CES1: variants seen among roughly 807,000 people sequenced by gnomAD.
CES1 encodes the protein liver carboxylesterase 1.
Under a neutral mutation model 53.0 loss-of-function variants are expected in CES1, and 50 were observed. The ratio of observed to expected loss-of-function variants is 0.94; its 90% CI spans 0.75 to 1.19. The LOEUF (loss-of-function observed/expected upper bound fraction) is 1.19. CES1 is among the 50% of genes most tolerant of loss of function. The pLI, the probability that CES1 is intolerant of heterozygous loss-of-function variation, is 0.00. For synonymous variants in CES1, 202 were observed against 210.1 expected, an observed-to-expected ratio of 0.96 and a Z score of 0.33; for missense variants, 534 against 538.0, an observed-to-expected ratio of 0.99 and a Z score of 0.07.
At chr16:55,822,548 T>TCAACTTGTC (rs2032241533) in intron 4 of CES1, among the ~76,000 whole-genome samples, 1 of 151,922 alleles carries the variant, frequency 6.6e-6, no homozygotes, top group Non-Finnish European at 1.5e-5. Flanking sequence ...AGTCAAGGAT[T>TCAACTTGTC]CAACTTGTCC....
At chr16:55,826,582 C>T (rs1357566409) in intron 2 of CES1, among the ~76,000 whole-genome samples, 3 of 152,162 alleles carry the variant, frequency 2.0e-5, no homozygotes, top group Non-Finnish European at 4.4e-5. Context: ...TACACTGATC[C>T]TCCCTGGGAG....
chr16:55,813,903 C>T (rs1193587909), intron 8 of CES1, among the ~76,000 whole-genome samples: 4 of 152,222 alleles, frequency 2.6e-5, no homozygotes, highest in Admixed American at 1.3e-4. Flanking sequence ...GAGGTTGCCT[C>T]GCCGGATCTC....
chr16:55,819,900 G>C (rs538699359), intron 6 of CES1: 1 of 594,516 alleles, frequency 1.7e-6, no homozygotes. Flanking sequence ...ATCTCAAGGT[G>C]AATGTGTCAA....
chr16:55,826,395 G>T (rs1404748351), intron 2 of CES1, 100 bp from the exon 3 acceptor site: 7 of 1,412,264 alleles, frequency 5.0e-6, no homozygotes, highest in Non-Finnish European at 7.0e-6. Flanking sequence ...CCTGGAAATG[G>T]ACTTGATAGT....
chr16:55,815,258 T>C (rs2142323783), intron 8 of CES1, among the ~76,000 whole-genome samples: 1 of 152,254 alleles, frequency 6.6e-6, no homozygotes, highest in Middle Eastern at 3.4e-3. Context: ...CGCAGGTGTG[T>C]TTTGAAGGAC....
At position 55,810,368 on chromosome 16, in the gene CES1, A is replaced by T; in HGVS notation, c.1318+149T>A. On this transcript the variant is annotated intron_variant, in intron 11 of 13. Transcript: ENST00000360526. ...GTCTTCTGCTGGCATAAACCAAAAT[A>T]AGACAGCACCTCATCCCATGCCATA... 4 of 1,089,364 alleles carry T rather than the reference A, an allele frequency of 3.7e-6. No individual in the cohort carries two copies. The Admixed American group carries it at 6.2e-5, about 17-fold the overall frequency. The allele number at this position is 1,089,364 out of a possible 1,614,324, so 67.5% of individuals were successfully genotyped here.
At chr16:55,822,395 G>A (rs1284002992) in intron 4 of CES1, among the ~76,000 whole-genome samples, 7 of 152,234 alleles carry the variant, frequency 4.6e-5, no homozygotes, top group South Asian at 4.1e-4. Flanking sequence ...TTCTGAAGGC[G>A]CAGCCAAGAG....
intron 9 of CES1, 72 bp downstream of exon 9, chr16:55,812,831 C>A (rs1235157809): frequency 6.3e-7 from 1 of 1,599,536 alleles, no homozygotes; most frequent in Non-Finnish European, 8.6e-7. Flanking sequence ...GAGAGGGAAG[C>A]ATTCCTGGGA....
chr16:55,829,353 A>C (rs2032550924), intron 1 of CES1, among the ~76,000 whole-genome samples: 1 of 152,252 alleles, frequency 6.6e-6, no homozygotes, highest in Non-Finnish European at 1.5e-5. Context: ...TCTCACAAGC[A>C]CTGACCATTA....
chr16:55,830,716 A>G (rs1188446725), intron 1 of CES1, among the ~76,000 whole-genome samples: 3 of 149,376 alleles, frequency 2.0e-5, no homozygotes, highest in South Asian at 2.1e-4. Context: ...GAAGAAGGAA[A>G]GAAGGAAAGG....
At chr16:55,811,895 G>A (rs1291194258) in intron 9 of CES1, among the ~76,000 whole-genome samples, 3 of 152,178 alleles carry the variant, frequency 2.0e-5, no homozygotes, top group Non-Finnish European at 4.4e-5. Context: ...GACTTCAGTG[G>A]GTTCTTCCTG....
chr16:55,811,057 T>C (rs781777990), intron 9 of CES1, 47 bp from the exon 10 acceptor site: 4 of 1,498,776 alleles, frequency 2.7e-6, no homozygotes, highest in African/African-American at 2.8e-5. Flanking sequence ...TGGGAATTAA[T>C]GATAAGAAAC....
chr16:55,827,600 T>C (rs2032470202), intron 2 of CES1, among the ~76,000 whole-genome samples: 1 of 152,134 alleles, frequency 6.6e-6, no homozygotes, highest in African/African-American at 2.4e-5. Flanking sequence ...TGAATGTGCA[T>C]AAATGTTTCA....
intron 9 of CES1, among the ~76,000 whole-genome samples, chr16:55,811,274 G>GCA (rs2031687399): frequency 2.0e-5 from 3 of 151,282 alleles, no homozygotes; most frequent in African/African-American, 7.3e-5. Context: ...GTGTGTGTGT[G>GCA]TGCGCGCGTG....
intron 6 of CES1, chr16:55,820,154 G>A (rs2032112245): frequency 1.7e-6 from 1 of 576,526 alleles, no homozygotes; most frequent in African/African-American, 1.9e-5. Flanking sequence ...TGCTGCCCTT[G>A]GCAAATCCCT....
At chr16:55,830,356 A>T (rs1182230046) in intron 1 of CES1, among the ~76,000 whole-genome samples, 2 of 152,108 alleles carry the variant, frequency 1.3e-5, no homozygotes, top group Non-Finnish European at 2.9e-5. Context: ...GTGGCATTAC[A>T]TGTGGCCTGT....
At chr16:55,814,339 G>A (rs2031837731) in intron 8 of CES1, among the ~76,000 whole-genome samples, 1 of 152,240 alleles carries the variant, frequency 6.6e-6, no homozygotes, top group Admixed American at 6.5e-5. Flanking sequence ...AGCTGGTTCT[G>A]GGTACAGTTA....
chr16:55,816,816 G>A (rs531280875), intron 8 of CES1, 108 bp downstream of exon 8: 20 of 1,319,874 alleles, frequency 1.5e-5, no homozygotes, highest in East Asian at 1.1e-4. Flanking sequence ...AAACAAACAC[G>A]CAGGAGTTAC....
intron 8 of CES1, among the ~76,000 whole-genome samples, chr16:55,815,252 G>A (rs1214400136): frequency 2.0e-5 from 3 of 152,206 alleles, no homozygotes; most frequent in African/African-American, 7.2e-5. Flanking sequence ...TGTGCACGCA[G>A]GTGTGTTTTG....
Sources: gnomAD v4.1 joint callset for allele counts (sites outside exome capture counted in the v4.1 genomes callset) on GRCh38, gnomAD v4.1.1 for gene constraint, MANE v1.5 for transcripts, NCBI Gene and HGNC (gene_info 2026-07-23, HGNC 2026-07-21) for gene names.